SH3RF3: variants seen among roughly 807,000 people sequenced by gnomAD.
The protein encoded by SH3RF3 is E3 ubiquitin-protein ligase SH3RF3.
A neutral mutation model predicts 66.3 loss-of-function variants in SH3RF3; 29 were observed. The observed-to-expected ratio is 0.44, with a 90% CI of 0.33 to 0.60. The LOEUF (loss-of-function observed/expected upper bound fraction) is 0.60, where lower values mean the gene tolerates loss of function less well. SH3RF3 is among the 20% of genes least tolerant of loss of function. SH3RF3 has a pLI of 0.04. For synonymous variants in SH3RF3, 583 were observed against 532.0 expected (o/e 1.10, Z -1.32); for missense variants, 1,194 against 1,190.9 (o/e 1.00, Z -0.04).
At chr2:109,130,283 C>T (rs1676658600) in intron 1 of SH3RF3, among the ~76,000 whole-genome samples, 170 bp downstream of exon 1, 1 of 152,186 alleles carries the variant, frequency 6.6e-6, no homozygotes, top group South Asian at 2.1e-4. Flanking sequence ...GGCATCCGGC[C>T]CCTGGGCAGC....
intron 1 of SH3RF3, among the ~76,000 whole-genome samples, chr2:109,204,882 C>T (rs1449287984): frequency 6.6e-6 from 1 of 152,110 alleles, no homozygotes; most frequent in Non-Finnish European, 1.5e-5. Flanking sequence ...TTTTGTGTTC[C>T]AGGGAAATAA....
At chr2:109,269,722 T>C (rs1680582332) in intron 1 of SH3RF3, among the ~76,000 whole-genome samples, 1 of 152,088 alleles carries the variant, frequency 6.6e-6, no homozygotes, top group Non-Finnish European at 1.5e-5. Flanking sequence ...GAGGTTGCAG[T>C]GAGGTGAGAT....
intron 6 of SH3RF3, among the ~76,000 whole-genome samples, chr2:109,434,286 G>T (rs1242778210): frequency 6.6e-6 from 1 of 152,238 alleles, no homozygotes; most frequent in Non-Finnish European, 1.5e-5. Flanking sequence ...GTTATATGAG[G>T]AGGCAGGTTC....
chr2:109,325,790 C>A (rs1353150733), intron 1 of SH3RF3, among the ~76,000 whole-genome samples: 1 of 152,208 alleles, frequency 6.6e-6, no homozygotes, highest in Non-Finnish European at 1.5e-5. Flanking sequence ...GTGCCTGCTG[C>A]ACCCTCCTTA....
intron 5 of SH3RF3, among the ~76,000 whole-genome samples, chr2:109,420,148 A>G (rs1676832983): frequency 6.6e-6 from 1 of 152,228 alleles, no homozygotes; most frequent in Non-Finnish European, 1.5e-5. Flanking sequence ...CTAGGAAGTG[A>G]GATGTTTATC....
At chr2:109,276,830 TA>T (rs1418841262) in intron 1 of SH3RF3, among the ~76,000 whole-genome samples, 1 of 152,120 alleles carries the variant, frequency 6.6e-6, no homozygotes, top group Non-Finnish European at 1.5e-5. Context: ...TAAGGGGCCT[TA>T]TACAAACAAT....
At chr2:109,268,373 C>T (rs968011022) in intron 1 of SH3RF3, among the ~76,000 whole-genome samples, 2 of 151,860 alleles carry the variant, frequency 1.3e-5, no homozygotes, top group Non-Finnish European at 1.5e-5. Flanking sequence ...TGGGGATGTC[C>T]GTTTCACCCG....
At chr2:109,340,221 G>A (rs912337452) in intron 1 of SH3RF3, among the ~76,000 whole-genome samples, 7 of 152,158 alleles carry the variant, frequency 4.6e-5, no homozygotes, top group African/African-American at 1.7e-4. Flanking sequence ...ACAAGTTACT[G>A]GACCTCACTG....
intron 8 of SH3RF3, among the ~76,000 whole-genome samples, chr2:109,469,765 A>G (rs961775281): frequency 6.6e-6 from 1 of 152,196 alleles, no homozygotes; most frequent in African/African-American, 2.4e-5. Flanking sequence ...AAGAACCCCC[A>G]GATCTCATGA....
intron 8 of SH3RF3, among the ~76,000 whole-genome samples, chr2:109,481,766 C>T (rs1485035977): frequency 5.3e-5 from 8 of 152,114 alleles, no homozygotes; most frequent in African/African-American, 1.2e-4. Flanking sequence ...TGTCACTCCT[C>T]GGCCTCCCCT....
chr2:109,268,300 G>A (rs370040590), intron 1 of SH3RF3, among the ~76,000 whole-genome samples: 232 of 150,868 alleles, frequency 1.5e-3, no homozygotes, highest in Middle Eastern at 3.4e-3. Context: ...AGGTGGGATT[G>A]GGGGACAGTC....
At chr2:109,251,588 A>C in intron 1 of SH3RF3, 5 of 943,402 alleles carry the variant, frequency 5.3e-6, no homozygotes, top group Non-Finnish European at 8.8e-6. Flanking sequence ...CAACAGAACA[A>C]TATTGGAATG....
At chr2:109,227,909 G>C (rs766741148) in intron 1 of SH3RF3, among the ~76,000 whole-genome samples, 4 of 152,182 alleles carry the variant, frequency 2.6e-5, no homozygotes. Context: ...GCTTCATGAT[G>C]GTGACCGTCA....
At chr2:109,420,762 A>G (rs1676856302) in intron 5 of SH3RF3, among the ~76,000 whole-genome samples, 1 of 152,138 alleles carries the variant, frequency 6.6e-6, no homozygotes, top group South Asian at 2.1e-4. Context: ...ATGTATTTCA[A>G]GCAAAAAAGT....
At chr2:109,251,827 A>G (rs1417942945) in intron 1 of SH3RF3, among the ~76,000 whole-genome samples, 1 of 152,206 alleles carries the variant, frequency 6.6e-6, no homozygotes, top group Non-Finnish European at 1.5e-5. Flanking sequence ...TATTTTTAAT[A>G]CCAATTTTCT....
chr2:109,479,532 G>A (rs750946038), intron 8 of SH3RF3, among the ~76,000 whole-genome samples: 24 of 152,006 alleles, frequency 1.6e-4, no homozygotes, highest in Non-Finnish European at 2.9e-4. Flanking sequence ...CTGGGGTGTC[G>A]GGATGTCCAG....
At chr2:109,388,333 G>T (rs1644188590) in intron 3 of SH3RF3, among the ~76,000 whole-genome samples, 1 of 152,172 alleles carries the variant, frequency 6.6e-6, no homozygotes, top group Non-Finnish European at 1.5e-5. Context: ...TTGTGAACAT[G>T]GAACACATCC....
At chr2:109,303,803 A>G (rs1681529160) in intron 1 of SH3RF3, among the ~76,000 whole-genome samples, 1 of 152,222 alleles carries the variant, frequency 6.6e-6, no homozygotes, top group Admixed American at 6.5e-5. Flanking sequence ...GAGTCTGTGA[A>G]GCCATCACCA....
At chr2:109,501,477 G>T in intron 9 of SH3RF3, 26 bp from the exon 10 acceptor site, 1 of 768,878 alleles carries the variant, frequency 1.3e-6, no homozygotes, top group Non-Finnish European at 2.4e-6. Context: ...TCTGTGTGGG[G>T]CTCACCCACT....
Sources: allele counts gnomAD v4.1 joint callset (sites outside exome capture counted in the v4.1 genomes callset), GRCh38; gene constraint gnomAD v4.1.1; transcripts MANE v1.5; gene names NCBI Gene and HGNC (gene_info 2026-07-23, HGNC 2026-07-21).